SEPTIN6: variants seen among roughly 807,000 people sequenced by gnomAD.
The protein encoded by SEPTIN6 is septin 6, also known as septin-6.
SEPTIN6 carries 8 observed loss-of-function variants against 33.6 expected under a neutral mutation model. The observed-to-expected ratio is 0.24, with a 90% confidence interval of 0.14 to 0.43. The LOEUF is 0.43. Among genes scored for constraint, SEPTIN6 ranks in the 20% least tolerant of loss-of-function variants. The probability of loss-of-function intolerance (pLI) is 1.00; values close to 1 mark genes in which losing one functional copy is unlikely to be tolerated. For missense variants in SEPTIN6, 250 were observed against 340.8 expected (o/e 0.73, Z 2.10); for synonymous variants, 131 against 140.0 (o/e 0.94, Z 0.45).
At chrX:119,653,070 T>G (rs1221903124) in intron 3 of SEPTIN6, 30 bp from the exon 4 acceptor site, 1 of 1,154,294 alleles carries the variant, frequency 8.7e-7, no homozygotes, top group Non-Finnish European at 1.2e-6. Flanking sequence ...CAGAGGCGGA[T>G]CCCGTCAAAA....
At chrX:119,659,512 A>G (rs2054503777) in intron 3 of SEPTIN6, among the ~76,000 whole-genome samples, 1 of 111,973 alleles carries the variant, frequency 8.9e-6, no homozygotes, top group South Asian at 3.7e-4. Flanking sequence ...TACATGATTT[A>G]GCTGTTCCTT....
chrX:119,640,427 T>C (rs12839202), intron 6 of SEPTIN6, among the ~76,000 whole-genome samples: 32,415 of 110,144 alleles, frequency 0.29, 3,783 homozygotes, highest in African/African-American at 0.41. Flanking sequence ...CACATGCTTT[T>C]TCGCACACTC....
chrX:119,683,021 G>C (rs1165934017), intron 1 of SEPTIN6, among the ~76,000 whole-genome samples: 6 of 112,317 alleles, frequency 5.3e-5, no homozygotes, highest in Non-Finnish European at 1.1e-4. Context: ...GGGAGGCCAA[G>C]GCGGGCAGAT....
intron 1 of SEPTIN6, chrX:119,686,532 T>C: frequency 1.2e-6 from 1 of 861,709 alleles, no homozygotes; most frequent in South Asian, 2.1e-5. Context: ...GAGAAGACAC[T>C]GAAGAAGAGG....
At chrX:119,665,812 T>C (rs772598717) in intron 2 of SEPTIN6, among the ~76,000 whole-genome samples, 133 of 110,698 alleles carry the variant, frequency 1.2e-3, no homozygotes, top group Non-Finnish European at 2.1e-3. Flanking sequence ...CCAGGCGCGG[T>C]GGCTCACGCC....
chrX:119,664,965 C>G (rs2054610618), intron 2 of SEPTIN6, among the ~76,000 whole-genome samples: 1 of 110,601 alleles, frequency 9.0e-6, no homozygotes, highest in Non-Finnish European at 1.9e-5. Flanking sequence ...TGTGCCTCCC[C>G]ACGGTGAAAA....
downstream of SEPTIN6, chrX:119,615,794 G>C (rs2053658579): frequency 6.6e-6 from 1 of 152,464 alleles, no homozygotes. Context: ...AACAGTGCTG[G>C]TTCTGGGATG....
chrX:119,671,939 C>T (rs906459413), intron 2 of SEPTIN6, among the ~76,000 whole-genome samples: 4 of 112,117 alleles, frequency 3.6e-5, no homozygotes, highest in African/African-American at 9.7e-5. Flanking sequence ...GGACCCTTTG[C>T]GAAGTCAGTG....
intron 2 of SEPTIN6, among the ~76,000 whole-genome samples, chrX:119,674,583 T>A (rs1389229418): frequency 9.0e-6 from 1 of 111,607 alleles, no homozygotes. Context: ...TGGCAGCAGT[T>A]AGAGAAGCAG....
At chrX:119,684,492 T>G (rs1430474642) in intron 1 of SEPTIN6, among the ~76,000 whole-genome samples, 2 of 99,633 alleles carry the variant, frequency 2.0e-5, no homozygotes, top group East Asian at 6.4e-4. Flanking sequence ...GTTTTTTTTT[T>G]TTTTTTTTTT....
At position 119,620,053 on chromosome X, in the gene SEPTIN6, T is replaced by G; in HGVS notation, c.*42-2A>C. 8.4e-7 allele frequency: 1 copy of G among 1,187,870 alleles called. No homozygotes were observed. The highest frequency in any genetic ancestry group is 1.1e-6 in the Non-Finnish European group (1 of 879,781). On this transcript the variant is annotated splice_acceptor_variant, in intron 10 of 10. Transcript: ENST00000394610. LOFTEE classifies it low-confidence loss of function (3UTR_SPLICE). ...AAGGGTGTCTACAGGAAGCCCAAACTGAAAATGAAAAGAGAAGCTGAGTTA... is the reference window on the plus strand; with the variant it reads ...AAGGGTGTCTACAGGAAGCCCAAACGGAAAATGAAAAGAGAAGCTGAGTTA...
rs182850036 is a variant in SEPTIN6 at position 119,624,131 on chromosome X, G to A, written c.*41+1204C>T. The A allele has an allele frequency of 6.8e-5, 17 of 250,577 alleles. 1 individual carries two copies. Among genetic ancestry groups the A allele is most frequent in the Admixed American group, 3.3e-4 (6 of 18,286 alleles). 20.7% of individuals were successfully genotyped at this position (250,577 alleles called of 1,213,427 possible). A position where few individuals can be genotyped will look rare whatever the true frequency, so the allele number is the denominator to read the frequency against. The stretch of plus-strand genomic sequence containing the variant: ...TTCTAAGATCTCTTCATTTTCCTCC[G>A]CTTTTATTATGGGTTTTTTTTTTTT... On this transcript the variant is annotated intron_variant, in intron 10 of 10. Transcript: ENST00000394610.
At chrX:119,654,025 T>C (rs2054393559) in intron 3 of SEPTIN6, among the ~76,000 whole-genome samples, 3 of 111,015 alleles carry the variant, frequency 2.7e-5, no homozygotes, top group African/African-American at 9.8e-5. Flanking sequence ...GTGGAGATCA[T>C]GCCACTGCAC....
downstream of SEPTIN6, chrX:119,616,657 G>C: frequency 8.7e-7 from 1 of 1,154,659 alleles, no homozygotes; most frequent in Non-Finnish European, 1.2e-6. Flanking sequence ...TTTCTGATTT[G>C]AGACAATATG....
chrX:119,680,172 T>C (rs2054926348), intron 1 of SEPTIN6, among the ~76,000 whole-genome samples: 1 of 109,951 alleles, frequency 9.1e-6, no homozygotes, highest in African/African-American at 3.3e-5. Flanking sequence ...ATAATATCAC[T>C]CTCCAGAGAT....
intron 2 of SEPTIN6, 122 bp downstream of exon 2, chrX:119,675,432 G>GA (rs2054825318): frequency 2.7e-6 from 1 of 363,895 alleles, no homozygotes; most frequent in Admixed American, 5.8e-5. Context: ...AAGAAGAGGG[G>GA]AGAGACACTC....
chrX:119,681,054 G>A (rs1480289243), intron 1 of SEPTIN6, among the ~76,000 whole-genome samples: 2 of 110,574 alleles, frequency 1.8e-5, no homozygotes, highest in Non-Finnish European at 3.8e-5. Context: ...ATGCACCCTT[G>A]CTTTGATGAA....
At position 119,636,968 on chromosome X, in the gene SEPTIN6, C is replaced by G. The variant is rs1288569926; in HGVS notation, c.956+59G>C. Reference sequence around the variant, plus strand: ...AATTCTCCAGGGGAAGGCTTCCACACCACCTGAGTGGGCTGAGCTGAGCTG... The same window carrying G: ...AATTCTCCAGGGGAAGGCTTCCACAGCACCTGAGTGGGCTGAGCTGAGCTG... On this transcript the variant is annotated intron_variant, in intron 7 of 10. Transcript: ENST00000394610. 3 of 1,156,884 alleles carry G rather than the reference C, an allele frequency of 2.6e-6. No individual in the cohort carries two copies. In the African/African-American group the frequency reaches 5.4e-5, roughly 21 times the overall value.
At chrX:119,640,855 C>T (rs2054149361) in intron 5 of SEPTIN6, 67 bp from the exon 6 acceptor site, 1 of 976,139 alleles carries the variant, frequency 1.0e-6, no homozygotes, top group Non-Finnish European at 1.5e-6. Context: ...CACAACCCAA[C>T]TGCTGTTCGT....
Sources: gnomAD v4.1 joint callset for allele counts (sites outside exome capture counted in the v4.1 genomes callset) on GRCh38, gnomAD v4.1.1 for gene constraint, MANE v1.5 for transcripts, NCBI Gene and HGNC (gene_info 2026-07-23, HGNC 2026-07-21) for gene names.